The following ATRNL1 variants were observed in gnomAD, a reference collection of about 807,000 sequenced individuals.
ATRNL1 encodes the protein attractin-like protein 1.
A neutral mutation model predicts 182.7 loss-of-function variants in ATRNL1; 95 were observed. That is an observed-to-expected ratio of 0.52 (90% CI 0.44 to 0.62). ATRNL1 has a LOEUF of 0.62. ATRNL1 is among the 20% of genes least tolerant of loss of function. The pLI, the probability that ATRNL1 is intolerant of heterozygous loss-of-function variation, is 0.00. For missense variants in ATRNL1, 1,471 were observed against 1,679.5 expected (o/e 0.88, Z 2.17); for synonymous variants, 576 against 568.3 (o/e 1.01, Z -0.19).
intron 19 of ATRNL1, among the ~76,000 whole-genome samples, chr10:115,380,675 G>T (rs1047173961): frequency 6.6e-6 from 1 of 152,018 alleles, no homozygotes; most frequent in Non-Finnish European, 1.5e-5. Flanking sequence ...TGTAATAAAG[G>T]TTCATCCATG....
intron 6 of ATRNL1, among the ~76,000 whole-genome samples, chr10:115,163,660 C>T (rs1846907426): frequency 6.6e-6 from 1 of 152,116 alleles, no homozygotes; most frequent in African/African-American, 2.4e-5. Flanking sequence ...GCTACCGTGC[C>T]TGGCCTGGAT....
intron 24 of ATRNL1, among the ~76,000 whole-genome samples, chr10:115,482,412 G>T: frequency 6.6e-6 from 1 of 150,792 alleles, no homozygotes; most frequent in Admixed American, 6.6e-5. Flanking sequence ...TGTAAATTGT[G>T]GTAGTTTCAA....
intron 24 of ATRNL1, among the ~76,000 whole-genome samples, chr10:115,484,603 T>C (rs918900530): frequency 1.3e-5 from 2 of 151,722 alleles, no homozygotes; most frequent in African/African-American, 4.8e-5. Flanking sequence ...ATTGGGCAAA[T>C]GCCTTCTTTG....
chr10:115,939,040 A>G (rs1555123541), intron 28 of ATRNL1, among the ~76,000 whole-genome samples: 1 of 152,242 alleles, frequency 6.6e-6, no homozygotes, highest in Non-Finnish European at 1.5e-5. Context: ...GGTAAGTTGG[A>G]GAGGTGATGG....
intron 27 of ATRNL1, among the ~76,000 whole-genome samples, chr10:115,765,647 T>C (rs1555074834): frequency 6.6e-6 from 1 of 152,226 alleles, no homozygotes; most frequent in Non-Finnish European, 1.5e-5. Flanking sequence ...TTTAATGAAG[T>C]CTAGTTTATC....
chr10:115,124,648 GT>G (rs1844887072), intron 3 of ATRNL1, among the ~76,000 whole-genome samples: 1 of 152,136 alleles, frequency 6.6e-6, no homozygotes, highest in Non-Finnish European at 1.5e-5. Context: ...TAATCACATG[GT>G]TAGTGTTTCT....
intron 26 of ATRNL1, among the ~76,000 whole-genome samples, chr10:115,635,184 TATTAA>T (rs1459896321): frequency 1.3e-5 from 2 of 152,120 alleles, no homozygotes; most frequent in Non-Finnish European, 2.9e-5. Context: ...CAAAGTACAT[TATTAA>T]ATTAGTGAAA....
chr10:115,657,845 T>C (rs1555036455), intron 26 of ATRNL1, among the ~76,000 whole-genome samples: 2 of 152,156 alleles, frequency 1.3e-5, no homozygotes, highest in Admixed American at 6.6e-5. Context: ...TTTCTGACAG[T>C]ACATGTTTCC....
intron 26 of ATRNL1, among the ~76,000 whole-genome samples, chr10:115,615,092 A>G (rs1319738297): frequency 6.6e-6 from 1 of 151,666 alleles, no homozygotes; most frequent in African/African-American, 2.4e-5. Context: ...TATTGTGTAT[A>G]TCCTTTGTTT....
intron 19 of ATRNL1, among the ~76,000 whole-genome samples, chr10:115,367,667 T>A (rs534411890): frequency 0.13 from 14,055 of 107,998 alleles, 1,426 homozygotes; most frequent in Non-Finnish European, 0.21. Context: ...CTTTTGGTCG[T>A]CGATGATGGT....
At chr10:115,368,742 C>G (rs1332946588) in intron 19 of ATRNL1, among the ~76,000 whole-genome samples, 2 of 141,912 alleles carry the variant, frequency 1.4e-5, no homozygotes, top group Non-Finnish European at 1.5e-5. Context: ...GAGGTGAATT[C>G]TCGCTCTTCC....
chr10:115,514,941 G>A lies in ATRNL1; in HGVS notation c.3655-4322G>A, dbSNP rs934904151. ...TATTTATTTTATTCTGCTTAATTTCGATTTTCACTTTTAGCAGTTTCTCCT... is the reference window on the plus strand; with the variant it reads ...TATTTATTTTATTCTGCTTAATTTCAATTTTCACTTTTAGCAGTTTCTCCT... On this transcript the variant is annotated intron_variant, in intron 24 of 28. Coordinates refer to ENST00000355044, the MANE Select transcript of ATRNL1 (RefSeq NM_207303.4). 5.3e-5 allele frequency among the ~76,000 whole-genome samples: 8 copies of A among 151,384 alleles called. No individual in the cohort carries two copies. The South Asian group carries it at 1.7e-3, about 32-fold the overall frequency.
At chr10:115,159,342 T>C (rs1481935746) in intron 5 of ATRNL1, among the ~76,000 whole-genome samples, 1 of 151,508 alleles carries the variant, frequency 6.6e-6, no homozygotes, top group Non-Finnish European at 1.5e-5. Flanking sequence ...GAAACACTGA[T>C]GGGGAAACCA....
Position 115,945,042 on chromosome 10 carries a change from A to G in ATRNL1, c.*263A>G, listed in dbSNP as rs1307756695. 3.8e-6 allele frequency: 1 copy of G among 260,654 alleles called. No homozygotes were observed. Among genetic ancestry groups the G allele is most frequent in the African/African-American group, 2.2e-5 (1 of 45,238 alleles). 16.1% of individuals were successfully genotyped at this position (260,654 alleles called of 1,614,324 possible). ...TAACATTAAATTACTCTGGAAAAAGATGTATATTGTTTCTTAATGAAGATG... is the reference window on the plus strand; with the variant it reads ...TAACATTAAATTACTCTGGAAAAAGGTGTATATTGTTTCTTAATGAAGATG... On this transcript the variant is annotated 3_prime_UTR_variant, in exon 29 of 29. Transcript: ENST00000355044.
At chr10:115,937,235 A>G (rs1342880574) in intron 28 of ATRNL1, among the ~76,000 whole-genome samples, 1 of 152,220 alleles carries the variant, frequency 6.6e-6, no homozygotes, top group East Asian at 1.9e-4. Context: ...GTGTCTCTAA[A>G]TGAAATTGTA....
chr10:115,476,349 G>T (rs1476474248), intron 24 of ATRNL1, among the ~76,000 whole-genome samples: 1 of 151,228 alleles, frequency 6.6e-6, no homozygotes, highest in Non-Finnish European at 1.5e-5. Context: ...GAAAATTCAT[G>T]TGCTTAAAAA....
Position 115,907,129 on chromosome 10 carries a change from C to CAGA in ATRNL1, c.4019-37529_4019-37528insAGA, listed in dbSNP as rs147220768. Among the ~76,000 whole-genome samples the CAGA allele has an allele frequency of 7.1e-4, 108 of 152,316 alleles. 2 individuals are homozygous for CAGA. In the East Asian group the frequency reaches 0.016, roughly 22 times the overall value. Reference sequence around the variant, plus strand: ...AAGTGACCTGGCCACAGTTACACGTCTTCTAAGTGGTAGAGTCCAGCTTGG... The same window carrying CAGA: ...AAGTGACCTGGCCACAGTTACACGTCAGATTCTAAGTGGTAGAGTCCAGCTTGG... On this transcript the variant is annotated intron_variant, in intron 28 of 28. Coordinates refer to ENST00000355044, the MANE Select transcript of ATRNL1 (RefSeq NM_207303.4).
intron 26 of ATRNL1, among the ~76,000 whole-genome samples, chr10:115,629,255 T>G (rs1858326325): frequency 6.6e-6 from 1 of 152,168 alleles, no homozygotes; most frequent in South Asian, 2.1e-4. Flanking sequence ...AAGGAAGAGC[T>G]TAATGTTTAG....
intron 20 of ATRNL1, among the ~76,000 whole-genome samples, chr10:115,407,391 C>A (rs566230396): frequency 6.6e-6 from 1 of 152,092 alleles, no homozygotes; most frequent in Non-Finnish European, 1.5e-5. Flanking sequence ...TTCCCTACAC[C>A]CTTCCCAGCC....
Sources: allele counts gnomAD v4.1 joint callset (sites outside exome capture counted in the v4.1 genomes callset), GRCh38; gene constraint gnomAD v4.1.1; transcripts MANE v1.5; gene names NCBI Gene and HGNC (gene_info 2026-07-23, HGNC 2026-07-21).